The following PKHD1 variants were observed in gnomAD, a reference collection of about 807,000 sequenced individuals.
PKHD1 encodes the protein fibrocystin.
PKHD1 carries 291 observed loss-of-function variants against 412.0 expected under a neutral mutation model. The observed-to-expected ratio is 0.71, with a 90% confidence interval of 0.64 to 0.78. The LOEUF is 0.78. Ranked by LOEUF, PKHD1 falls within the 30% of genes least tolerant of loss-of-function variation. The pLI is 0.00. For missense variants in PKHD1, 4,825 were observed against 4,950.7 expected, an observed-to-expected ratio of 0.97 and a Z score of 0.76; for synonymous variants, 1,777 against 1,821.5, an observed-to-expected ratio of 0.98 and a Z score of 0.62.
intron 36 of PKHD1, among the ~76,000 whole-genome samples, chr6:51,943,178 A>G (rs555670471): frequency 6.6e-6 from 1 of 151,416 alleles, no homozygotes; most frequent in African/African-American, 2.4e-5. Flanking sequence ...GTATTCAGTG[A>G]ACTAATAGTC....
intron 61 of PKHD1, among the ~76,000 whole-genome samples, chr6:51,655,057 C>T (rs528446528): frequency 6.6e-6 from 1 of 152,090 alleles, no homozygotes; most frequent in East Asian, 1.9e-4. Flanking sequence ...TTGCCATCGA[C>T]CCAATTAAAC....
chr6:51,618,720 C>T lies in PKHD1; in HGVS notation c.*361G>A. On this transcript the variant is annotated 3_prime_UTR_variant, in exon 67 of 67. Coordinates refer to ENST00000371117, the MANE Select transcript of PKHD1 (RefSeq NM_138694.4). Reference sequence around the variant, plus strand: ...TCCCTTCTATAAAAGAAGCTCAAAGCATTGTGGGTGGTCAATCCAGAGAAT... The same window carrying T: ...TCCCTTCTATAAAAGAAGCTCAAAGTATTGTGGGTGGTCAATCCAGAGAAT... The T allele has an allele frequency of 5.7e-6, 2 of 350,738 alleles. No individual in the cohort carries two copies. The highest frequency in any genetic ancestry group is 1.1e-5 in the Non-Finnish European group (2 of 181,998). 21.7% of individuals were successfully genotyped at this position (350,738 alleles called of 1,614,324 possible).
chr6:51,654,624 C>T (rs1213359925), intron 61 of PKHD1, among the ~76,000 whole-genome samples: 4 of 142,178 alleles, frequency 2.8e-5, no homozygotes, highest in Admixed American at 1.5e-4. Flanking sequence ...CAATTAGCAT[C>T]CTTTTCATAG....
At chr6:51,653,933 C>A (rs1771374880) in intron 61 of PKHD1, among the ~76,000 whole-genome samples, 1 of 152,058 alleles carries the variant, frequency 6.6e-6, no homozygotes, top group Non-Finnish European at 1.5e-5. Context: ...TTTTAAAGAC[C>A]ATACGCAAAA....
At chr6:51,625,608 A>G (rs996044164) in intron 66 of PKHD1, among the ~76,000 whole-genome samples, 33 of 152,132 alleles carry the variant, frequency 2.2e-4, no homozygotes, top group African/African-American at 7.5e-4. Flanking sequence ...ATTCCTAATA[A>G]TTTATTAATA....
intron 12 of PKHD1, among the ~76,000 whole-genome samples, chr6:52,065,557 C>G (rs555423868): frequency 6.6e-6 from 1 of 152,128 alleles, no homozygotes; most frequent in Non-Finnish European, 1.5e-5. Flanking sequence ...AAAGGGTTTG[C>G]CAAGGTTGGG....
At chr6:51,750,950 T>C (rs1786019561) in intron 57 of PKHD1, among the ~76,000 whole-genome samples, 2 of 152,034 alleles carry the variant, frequency 1.3e-5, no homozygotes, top group African/African-American at 2.4e-5. Flanking sequence ...CTAATTTTTA[T>C]ATTTTTAGTA....
chr6:51,905,901 G>A (rs556963823), intron 41 of PKHD1, among the ~76,000 whole-genome samples: 4 of 152,236 alleles, frequency 2.6e-5, no homozygotes, highest in African/African-American at 9.6e-5. Context: ...TTGACAGTCT[G>A]TAAGACTATA....
At chr6:51,770,227 T>TTA (rs1230926760) in intron 55 of PKHD1, among the ~76,000 whole-genome samples, 6 of 151,872 alleles carry the variant, frequency 4.0e-5, no homozygotes, top group Admixed American at 3.9e-4. Context: ...GAGATTTGCT[T>TTA]TATATTTCTA....
chr6:51,674,771 A>G (rs934845929), intron 60 of PKHD1, among the ~76,000 whole-genome samples: 3 of 152,176 alleles, frequency 2.0e-5, no homozygotes, highest in Admixed American at 6.5e-5. Context: ...AAAGTGTTTG[A>G]CGATTTGTCA....
intron 12 of PKHD1, 81 bp downstream of exon 12, chr6:52,065,895 C>T (rs777951884): frequency 2.5e-6 from 2 of 786,356 alleles, no homozygotes. Context: ...CTTCCTCCTG[C>T]ATCCCTCATG....
chr6:51,843,840 G>A (rs957449532), intron 50 of PKHD1, among the ~76,000 whole-genome samples: 5 of 152,182 alleles, frequency 3.3e-5, no homozygotes, highest in Non-Finnish European at 7.4e-5. Context: ...AAGGCAACAT[G>A]AACCAATCTC....
At chr6:51,807,684 T>C (rs1015033400) in intron 52 of PKHD1, among the ~76,000 whole-genome samples, 5 of 151,990 alleles carry the variant, frequency 3.3e-5, no homozygotes, top group African/African-American at 1.2e-4. Context: ...TTAATGCACA[T>C]GCATCTAGAC....
At position 51,791,302 on chromosome 6, in the gene PKHD1, G is replaced by A. The variant is rs543203284; in HGVS notation, c.8374C>T (p.Pro2792Ser). The change falls in exon 53 of 67, where the codon CCT becomes TCT. Residue 2792 changes from proline (P) to serine (S), a missense_variant. Pro to Ser is a moderately conservative substitution (Grantham distance 74, BLOSUM62 -1). Coordinates refer to ENST00000371117, the MANE Select transcript of PKHD1 (RefSeq NM_138694.4). ...GLYVMGTLDF[P>S]VDRSNVLSVA... ...CTCAGAACATTGCTTCTGTCCACAG[G>A]GAAGTCTAAGGTCCCCATCACATAC... 2 of 1,613,450 alleles carry A rather than the reference G, an allele frequency of 1.2e-6. No individual in the cohort carries two copies. Among genetic ancestry groups the A allele is most frequent in the East Asian group, 2.2e-5 (1 of 44,844 alleles).
chr6:52,084,822 G>A (rs1221398065), intron 2 of PKHD1, 60 bp downstream of exon 2: 2 of 1,040,260 alleles, frequency 1.9e-6, no homozygotes, highest in Middle Eastern at 2.0e-4. Flanking sequence ...TTCAATAATA[G>A]TTCTCAAGGT....
At chr6:51,919,500 G>A (rs1352017579) in intron 37 of PKHD1, among the ~76,000 whole-genome samples, 1 of 152,136 alleles carries the variant, frequency 6.6e-6, no homozygotes, top group Admixed American at 6.5e-5. Context: ...CTCTGTTTTG[G>A]TACAAGTACC....
At position 51,641,928 on chromosome 6, in the gene PKHD1, G is replaced by C. The variant is rs571983706; in HGVS notation, c.11399-2972C>G. On this transcript the variant is annotated intron_variant, in intron 63 of 66. Coordinates refer to ENST00000371117, the MANE Select transcript of PKHD1 (RefSeq NM_138694.4). ...GGAGCAAGGGGAGGGATAGCATTAG[G>C]AGAAATAACTAATGTAGATGACGGG... Among the ~76,000 whole-genome samples the C allele has an allele frequency of 1.1e-4, 17 of 152,226 alleles. No homozygotes were observed. The South Asian group carries it at 1.9e-3, about 17-fold the overall frequency.
rs1207185671 is a variant in PKHD1 at position 51,825,590 on chromosome 6, T to C, written c.8302+5271A>G. Among the ~76,000 whole-genome samples the C allele has an allele frequency of 2.6e-5, 4 of 152,196 alleles. No homozygotes were observed. The East Asian group carries it at 5.8e-4, about 22-fold the overall frequency. ...TAAAGGCATCTAAAGGCAGCCAAGG[T>C]GAGCCTTTCAATGACCACAGTCCAG... On this transcript the variant is annotated intron_variant, in intron 52 of 66. Transcript: ENST00000371117.
chr6:51,665,173 T>C (rs1380320095), intron 60 of PKHD1, among the ~76,000 whole-genome samples: 1 of 152,142 alleles, frequency 6.6e-6, no homozygotes, highest in African/African-American at 2.4e-5. Context: ...AAAAAAAATC[T>C]GTAATAAATA....
Sources: allele counts gnomAD v4.1 joint callset (sites outside exome capture counted in the v4.1 genomes callset), GRCh38; gene constraint gnomAD v4.1.1; transcripts MANE v1.5; gene names NCBI Gene and HGNC (gene_info 2026-07-23, HGNC 2026-07-21).